The following DAB1 variants were observed in gnomAD, a reference collection of about 807,000 sequenced individuals.
DAB1 encodes disabled homolog 1.
Under a neutral mutation model 64.6 loss-of-function variants are expected in DAB1, and 15 were observed. The ratio of observed to expected loss-of-function variants is 0.23; its 90% confidence interval spans 0.16 to 0.36. DAB1 has a LOEUF of 0.36. DAB1 is among the 10% of genes least tolerant of loss of function. DAB1 has a pLI of 1.00. For missense variants in DAB1, 596 were observed against 706.7 expected, an observed-to-expected ratio of 0.84 and a Z score of 1.78; for synonymous variants, 235 against 251.9, an observed-to-expected ratio of 0.93 and a Z score of 0.64.
intron 4 of DAB1, among the ~76,000 whole-genome samples, chr1:58,336,437 A>G (rs1273037912): frequency 6.6e-6 from 1 of 152,240 alleles, no homozygotes; most frequent in East Asian, 1.9e-4. Context: ...TAATCTTTAC[A>G]ATAGTAATAA....
At chr1:57,546,296 A>G (rs904852430) in intron 7 of DAB1, among the ~76,000 whole-genome samples, 1 of 152,178 alleles carries the variant, frequency 6.6e-6, no homozygotes, top group African/African-American at 2.4e-5. Flanking sequence ...GTATAAAACT[A>G]GCCACCTAAA....
intron 6 of DAB1, among the ~76,000 whole-genome samples, chr1:57,742,086 T>TA: frequency 6.6e-6 from 1 of 152,216 alleles, no homozygotes. Flanking sequence ...ATATAGTAAA[T>TA]AGTGTTCATT....
At chr1:57,547,418 C>T (rs147532329) in intron 7 of DAB1, among the ~76,000 whole-genome samples, 280 of 152,124 alleles carry the variant, frequency 1.8e-3, no homozygotes, top group African/African-American at 6.3e-3. Context: ...AAAGGAAATC[C>T]TTTTAAAACT....
intron 6 of DAB1, among the ~76,000 whole-genome samples, chr1:57,729,945 C>T (rs1412958726): frequency 6.6e-6 from 1 of 152,134 alleles, no homozygotes; most frequent in Non-Finnish European, 1.5e-5. Flanking sequence ...TATTATTATC[C>T]CTGCTTTTCA....
At chr1:57,424,776 G>A (rs1685206828), upstream of DAB1, among the ~76,000 whole-genome samples, 1 of 152,142 alleles carries the variant, frequency 6.6e-6, no homozygotes, top group African/African-American at 2.4e-5. Context: ...GGCAAAGTTC[G>A]GCAAGTTGGG....
chr1:57,369,343 G>T (rs1286888206), intron 1 of DAB1, among the ~76,000 whole-genome samples: 3 of 152,222 alleles, frequency 2.0e-5, no homozygotes, highest in Non-Finnish European at 4.4e-5. Context: ...GTAGTATCAA[G>T]ATATACATTC....
At chr1:58,363,086 C>T (rs964618448) in intron 3 of DAB1, among the ~76,000 whole-genome samples, 1 of 152,116 alleles carries the variant, frequency 6.6e-6, no homozygotes, top group Non-Finnish European at 1.5e-5. Context: ...GATCAGGGTC[C>T]ATCCTCATAA....
intron 3 of DAB1, among the ~76,000 whole-genome samples, chr1:58,393,120 CT>C (rs34546253): frequency 0.013 from 1,541 of 117,148 alleles, 14 homozygotes; most frequent in African/African-American, 0.046. Context: ...ACTTCCAAAT[CT>C]TTTTTTTTTT....
At chr1:57,869,077 G>A (rs1654425672) in intron 1 of DAB1, among the ~76,000 whole-genome samples, 1 of 151,976 alleles carries the variant, frequency 6.6e-6, no homozygotes, top group Non-Finnish European at 1.5e-5. Context: ...CTCTTTATGG[G>A]CAAGGTAATA....
At chr1:57,808,874 G>A (rs1203915462) in intron 6 of DAB1, among the ~76,000 whole-genome samples, 3 of 151,972 alleles carry the variant, frequency 2.0e-5, no homozygotes, top group Non-Finnish European at 2.9e-5. Context: ...TGCTGAACTC[G>A]GCTGCTTGTG....
At chr1:57,746,995 T>C (rs574355952) in intron 6 of DAB1, among the ~76,000 whole-genome samples, 10 of 152,232 alleles carry the variant, frequency 6.6e-5, no homozygotes, top group Admixed American at 1.3e-4. Flanking sequence ...TATTATACGT[T>C]GGCTTTTTGT....
intron 7 of DAB1, among the ~76,000 whole-genome samples, chr1:57,454,156 C>T (rs983036400): frequency 4.6e-5 from 7 of 152,102 alleles, no homozygotes; most frequent in Admixed American, 4.6e-4. Flanking sequence ...ATAGTGAATG[C>T]GGTTCCTGTT....
At chr1:57,852,118 GAAT>G (rs1653553244) in intron 1 of DAB1, among the ~76,000 whole-genome samples, 1 of 152,040 alleles carries the variant, frequency 6.6e-6, no homozygotes, top group Non-Finnish European at 1.5e-5. Flanking sequence ...ACATAAATTA[GAAT>G]TTCTCTCCCA....
intron 7 of DAB1, among the ~76,000 whole-genome samples, chr1:57,617,474 C>A (rs944811689): frequency 6.6e-6 from 1 of 152,034 alleles, no homozygotes; most frequent in Non-Finnish European, 1.5e-5. Flanking sequence ...AGGAAGAACC[C>A]AAGTTAAGAT....
chr1:58,481,382 T>C (rs562683123), intron 3 of DAB1, among the ~76,000 whole-genome samples: 1 of 152,262 alleles, frequency 6.6e-6, no homozygotes, highest in East Asian at 1.9e-4. Context: ...AATAGTATTA[T>C]TTTAAAAACA....
At chr1:58,389,921 G>A (rs1016247614) in intron 3 of DAB1, among the ~76,000 whole-genome samples, 2 of 152,106 alleles carry the variant, frequency 1.3e-5, no homozygotes, top group Non-Finnish European at 2.9e-5. Context: ...AGCTCATGAG[G>A]TGGTAGCTGC....
At chr1:57,947,464 ACAACACTTAGCAG>A (rs769894731) in intron 5 of DAB1, among the ~76,000 whole-genome samples, 72 of 152,142 alleles carry the variant, frequency 4.7e-4, no homozygotes, top group Non-Finnish European at 8.8e-4. Context: ...TGTGAGTTAT[ACAACACTTAGCAG>A]CATCCCTAGG....
chr1:57,740,712 A>G (rs1462569421), intron 6 of DAB1, among the ~76,000 whole-genome samples: 2 of 152,160 alleles, frequency 1.3e-5, no homozygotes, highest in African/African-American at 4.8e-5. Flanking sequence ...GTGCCTCTAC[A>G]CAGTTCACAC....
intron 3 of DAB1, among the ~76,000 whole-genome samples, chr1:58,361,546 T>C (rs1469134436): frequency 6.9e-6 from 1 of 144,944 alleles, no homozygotes; most frequent in Admixed American, 6.9e-5. Context: ...TAGCCAATTC[T>C]GCAAACCACA....
Sources: gnomAD v4.1 joint callset for allele counts (sites outside exome capture counted in the v4.1 genomes callset) on GRCh38, gnomAD v4.1.1 for gene constraint, MANE v1.5 for transcripts, NCBI Gene and HGNC (gene_info 2026-07-23, HGNC 2026-07-21) for gene names.